Variants in SLC15A5 observed in about 807,000 individuals in gnomAD.
SLC15A5 encodes Peptide/histidine transporter ENSP00000340402.
In SLC15A5, 58 loss-of-function variants were observed where a neutral mutation model predicts 56.1. The ratio of observed to expected loss-of-function variants is 1.03; its 90% CI spans 0.84 to 1.29. SLC15A5 has a LOEUF of 1.29. SLC15A5 is among the 50% of genes most tolerant of loss of function. The pLI is 0.00. For synonymous variants in SLC15A5, 264 were observed against 250.5 expected (o/e 1.05, Z -0.51); for missense variants, 681 against 672.1 (o/e 1.01, Z -0.15).
At position 16,189,548 on chromosome 12, in the gene SLC15A5, TG is replaced by T; in HGVS notation, c.*119del. ...AGTCTTTGTAAATAAAGTATACAGA[TG>T]ATATTTGTAAAATCACCTCTGTATA... is the stretch of plus-strand genomic sequence containing the variant. On this transcript the variant is annotated 3_prime_UTR_variant, in exon 9 of 9. Transcript: ENST00000344941. The T allele has an allele frequency of 1.3e-6, 1 of 783,474 alleles. No individual in the cohort carries two copies. Among genetic ancestry groups the T allele is most frequent in the Non-Finnish European group, 1.8e-6 (1 of 569,100 alleles). The allele number at this position is 783,474 out of a possible 1,614,324, so 48.5% of individuals were successfully genotyped here.
intron 7 of SLC15A5, 122 bp from the exon 8 acceptor site, chr12:16,194,575 C>T: frequency 5.3e-6 from 3 of 567,020 alleles, no homozygotes; most frequent in South Asian, 3.5e-5. Context: ...CAAAAAAGCT[C>T]ATCTGAAACT....
intron 4 of SLC15A5, among the ~76,000 whole-genome samples, chr12:16,242,273 T>A (rs995185684): frequency 1.3e-5 from 2 of 149,516 alleles, no homozygotes; most frequent in Admixed American, 1.3e-4. Flanking sequence ...GAAATTCCTC[T>A]GCCTCCCTGG....
At chr12:16,247,924 G>A (rs2136794292) in intron 3 of SLC15A5, among the ~76,000 whole-genome samples, 1 of 152,200 alleles carries the variant, frequency 6.6e-6, no homozygotes, top group Middle Eastern at 3.4e-3. Context: ...GAATTTTAGG[G>A]ACCTGGGGAA....
chr12:16,214,997 G>C (rs567429029), intron 7 of SLC15A5, among the ~76,000 whole-genome samples: 22 of 152,062 alleles, frequency 1.4e-4, no homozygotes, highest in African/African-American at 5.3e-4. Flanking sequence ...GAGGTCAAGA[G>C]ATTGAGACCA....
At chr12:16,262,752 G>A (rs753175610) in intron 2 of SLC15A5, among the ~76,000 whole-genome samples, 5 of 152,092 alleles carry the variant, frequency 3.3e-5, no homozygotes, top group African/African-American at 1.2e-4. Context: ...CATGGGGGCG[G>A]GTCTTTTCTG....
intron 1 of SLC15A5, among the ~76,000 whole-genome samples, chr12:16,276,635 A>T (rs557129740): frequency 1.3e-5 from 2 of 152,190 alleles, no homozygotes; most frequent in South Asian, 4.2e-4. Context: ...CTTAAGAAGA[A>T]TAACTTGAAC....
At chr12:16,205,153 G>C (rs1174162491) in intron 7 of SLC15A5, among the ~76,000 whole-genome samples, 1 of 151,744 alleles carries the variant, frequency 6.6e-6, no homozygotes, top group East Asian at 1.9e-4. Context: ...AGATAAAAAT[G>C]TTCTATAAAC....
At chr12:16,225,500 C>T (rs1372518142) in intron 5 of SLC15A5, among the ~76,000 whole-genome samples, 1 of 152,166 alleles carries the variant, frequency 6.6e-6, no homozygotes, top group Non-Finnish European at 1.5e-5. Context: ...AAGAAACTAT[C>T]ATCAGAGTGA....
intron 5 of SLC15A5, among the ~76,000 whole-genome samples, chr12:16,224,931 A>G (rs74836338): frequency 0.2 from 26,475 of 135,482 alleles, 2,406 homozygotes; most frequent in East Asian, 0.29. Context: ...CCTGTGTCCA[A>G]GTATTCTCAT....
rs1343525909 is a variant in SLC15A5 at position 16,235,943 on chromosome 12, T to G, written c.1162+3738A>C. Reference sequence around the variant, plus strand: ...TGACTGTGACTATATCATAAAAGACTTTTAGCTGGAACTTGAATTTTCATG... The same window carrying G: ...TGACTGTGACTATATCATAAAAGACGTTTAGCTGGAACTTGAATTTTCATG... On this transcript the variant is annotated intron_variant, in intron 5 of 8. Transcript: ENST00000344941. The surrounding 1 kb of genome is among the most constrained non-coding windows in gnomAD (Gnocchi z 4.1). Among the ~76,000 whole-genome samples the G allele has an allele frequency of 6.6e-6, 1 of 152,150 alleles. No individual in the cohort carries two copies. Among genetic ancestry groups the G allele is most frequent in the Non-Finnish European group, 1.5e-5 (1 of 67,986 alleles).
At chr12:16,234,557 G>T (rs1438295247) in intron 5 of SLC15A5, among the ~76,000 whole-genome samples, 2 of 152,098 alleles carry the variant, frequency 1.3e-5, no homozygotes, top group African/African-American at 4.8e-5. Flanking sequence ...TTATCAGAAT[G>T]TACACATTTT....
chr12:16,236,016 A>G (rs1414060131), intron 5 of SLC15A5, among the ~76,000 whole-genome samples: 1 of 152,176 alleles, frequency 6.6e-6, no homozygotes, highest in Non-Finnish European at 1.5e-5. Flanking sequence ...AATATATTTC[A>G]TCTACATTTA....
At chr12:16,219,623 G>A (rs1864166910) in intron 6 of SLC15A5, among the ~76,000 whole-genome samples, 1 of 151,996 alleles carries the variant, frequency 6.6e-6, no homozygotes, top group Non-Finnish European at 1.5e-5. Context: ...TCTCTCTTTG[G>A]TGTCATTTTA....
Position 16,256,890 on chromosome 12 carries a change from AATAGAG to A in SLC15A5, c.754+805_754+810del, listed in dbSNP as rs1365688727. 1.0e-4 allele frequency among the ~76,000 whole-genome samples: 14 copies of A among 137,952 alleles called. No homozygotes were observed. The East Asian group carries it at 2.8e-3, about 28-fold the overall frequency. 90.5% of individuals were successfully genotyped at this position (137,952 alleles called of 152,430 possible). A position where few individuals can be genotyped will look rare whatever the true frequency, so the allele number is the denominator to read the frequency against. On this transcript the variant is annotated intron_variant, in intron 3 of 8. Transcript: ENST00000344941. ...AAAAAATAATAATAATAATAAATTA[AATAGAG>A]ATAGAGATGCATGGGGAATAGATAG...
intron 3 of SLC15A5, among the ~76,000 whole-genome samples, chr12:16,252,889 C>A (rs539528860): frequency 1.0e-3 from 152 of 152,188 alleles, no homozygotes; most frequent in African/African-American, 3.5e-3. Context: ...GATTTTAAAA[C>A]ATACTACAAA....
chr12:16,255,528 G>A (rs1042497449), intron 3 of SLC15A5, among the ~76,000 whole-genome samples: 2 of 151,886 alleles, frequency 1.3e-5, no homozygotes, highest in African/African-American at 4.8e-5. Flanking sequence ...ACTATAGAAA[G>A]GAATTTGGCA....
intron 2 of SLC15A5, among the ~76,000 whole-genome samples, chr12:16,261,451 G>A (rs192177073): frequency 3.7e-3 from 567 of 152,156 alleles, no homozygotes; most frequent in Non-Finnish European, 5.9e-3. Context: ...ATTCCATTAT[G>A]TAAATGTACC....
chr12:16,212,815 G>T (rs1267246017), intron 7 of SLC15A5, among the ~76,000 whole-genome samples: 4 of 151,938 alleles, frequency 2.6e-5, no homozygotes, highest in African/African-American at 9.7e-5. Context: ...GGATGACACA[G>T]AATCAATTTT....
At chr12:16,270,560 A>G (rs979585913) in intron 2 of SLC15A5, among the ~76,000 whole-genome samples, 2 of 152,194 alleles carry the variant, frequency 1.3e-5, no homozygotes, top group Non-Finnish European at 2.9e-5. Context: ...AGCAATAATC[A>G]TAACAATAGC....
Sources: gnomAD v4.1 joint callset for allele counts (sites outside exome capture counted in the v4.1 genomes callset) on GRCh38, gnomAD v4.1.1 for gene constraint, Gnocchi (gnomAD v3.1) non-coding constraint, MANE v1.5 for transcripts, NCBI Gene and HGNC (gene_info 2026-07-23, HGNC 2026-07-21) for gene names.